The following ARFGEF1 variants were observed in gnomAD, a reference collection of about 807,000 sequenced individuals.
ARFGEF1 encodes ARF guanine nucleotide exchange factor 1.
Under a neutral mutation model 231.0 loss-of-function variants are expected in ARFGEF1, and 42 were observed. The ratio of observed to expected loss-of-function variants is 0.18; its 90% CI spans 0.14 to 0.24. ARFGEF1 has a LOEUF of 0.24. Among genes scored for constraint, ARFGEF1 ranks in the 10% least tolerant of loss-of-function variants. ARFGEF1 has a pLI of 1.00. For missense variants in ARFGEF1, 1,345 were observed against 2,192.0 expected (o/e 0.61, Z 7.72); for synonymous variants, 710 against 732.3 (o/e 0.97, Z 0.49).
In ARFGEF1 at chr8:67,219,034, T is replaced by C. The variant is rs986176349; in HGVS notation, c.4338+397A>G. ...CAGGCTGCAGTGCAGTGGCGCGATCTCAGCTCACAGCAACCTCCACCTCCC... is the reference window on the plus strand; with the variant it reads ...CAGGCTGCAGTGCAGTGGCGCGATCCCAGCTCACAGCAACCTCCACCTCCC... On this transcript the variant is annotated intron_variant, in intron 30 of 38. Coordinates refer to ENST00000262215, the MANE Select transcript of ARFGEF1 (RefSeq NM_006421.5). Among the ~76,000 whole-genome samples, 7 of 152,310 alleles carry C rather than the reference T, an allele frequency of 4.6e-5. No individual in the cohort carries two copies. The East Asian group carries it at 1.3e-3, about 29-fold the overall frequency.
At chr8:67,216,438 A>T in intron 33 of ARFGEF1, 152 bp downstream of exon 33, 1 of 701,936 alleles carries the variant, frequency 1.4e-6, no homozygotes, top group Non-Finnish European at 2.2e-6. Context: ...CGTAATTGTA[A>T]AAAAAAAATG....
chr8:67,211,345 CAAAAA>C (rs375793043), intron 34 of ARFGEF1, 133 bp downstream of exon 34: 400 of 246,728 alleles, frequency 1.6e-3, no homozygotes, highest in Middle Eastern at 4.6e-3. Context: ...AACTCCGTCT[CAAAAA>C]AAAAAAAAAA....
rs758907802 is a variant in ARFGEF1, at chr8:67,227,462, A to G, written c.3728T>C (p.Ile1243Thr). ...QKDFLRPFEH[I>T]MKRNRSPTIR... ...AATATAGTACCTGTTCCGTTTCATT[A>G]TATGTTCAAAAGGTCTTAAGAAATC... Residue 1243 changes from isoleucine (I) to threonine (T), a missense_variant, in exon 26 of 39, where the codon ATA becomes ACA. Transcript: ENST00000262215. The G allele has an allele frequency of 4.3e-6, 7 of 1,612,820 alleles. No individual in the cohort carries two copies. Among genetic ancestry groups the G allele is most frequent in the African/African-American group, 1.3e-5 (1 of 74,958 alleles).
At chr8:67,321,532 C>T (rs1240554899) in intron 1 of ARFGEF1, among the ~76,000 whole-genome samples, 1 of 152,178 alleles carries the variant, frequency 6.6e-6, no homozygotes, top group Admixed American at 6.5e-5. Flanking sequence ...GCAATCTCGG[C>T]TCACTGAAAG....
chr8:67,286,819 A>G (rs1805780740), intron 7 of ARFGEF1, among the ~76,000 whole-genome samples: 1 of 152,158 alleles, frequency 6.6e-6, no homozygotes, highest in African/African-American at 2.4e-5. Flanking sequence ...TCCCATCTAT[A>G]GCACCTGCCT....
chr8:67,305,084 C>T (rs560584561), intron 1 of ARFGEF1, among the ~76,000 whole-genome samples: 1 of 152,178 alleles, frequency 6.6e-6, no homozygotes, highest in East Asian at 1.9e-4. Context: ...TATACGCTAA[C>T]TAGGAATATC....
At chr8:67,289,217 T>C (rs1177685905) in intron 6 of ARFGEF1, among the ~76,000 whole-genome samples, 1 of 152,114 alleles carries the variant, frequency 6.6e-6, no homozygotes, top group African/African-American at 2.4e-5. Flanking sequence ...TATTAGCTGA[T>C]GGTGCTGCAG....
intron 4 of ARFGEF1, among the ~76,000 whole-genome samples, chr8:67,297,713 A>G (rs887127118): frequency 2.0e-5 from 3 of 152,196 alleles, no homozygotes; most frequent in Non-Finnish European, 4.4e-5. Context: ...TATGTTGTAC[A>G]ATGCTATGCA....
chr8:67,275,447 T>C (rs898910470), intron 9 of ARFGEF1, among the ~76,000 whole-genome samples: 4 of 152,090 alleles, frequency 2.6e-5, no homozygotes, highest in African/African-American at 9.7e-5. Flanking sequence ...AAAGACATCA[T>C]CCTAGGGCAT....
Position 67,198,898 on chromosome 8 carries a change from A to C in ARFGEF1, c.*36T>G, listed in dbSNP as rs747343218. 17 of 1,608,364 alleles carry C rather than the reference A, an allele frequency of 1.1e-5. No homozygotes were observed. Among genetic ancestry groups the C allele is most frequent in the Non-Finnish European group, 1.4e-5 (17 of 1,178,368 alleles). ...GCTCCAGCGTCCTTTTAAAGAGCAGAGGGATGTAAATGCCAACAAAAATAT... is the reference window on the plus strand; with the variant it reads ...GCTCCAGCGTCCTTTTAAAGAGCAGCGGGATGTAAATGCCAACAAAAATAT... On this transcript the variant is annotated 3_prime_UTR_variant, in exon 39 of 39. Coordinates refer to ENST00000262215, the MANE Select transcript of ARFGEF1 (RefSeq NM_006421.5).
intron 1 of ARFGEF1, among the ~76,000 whole-genome samples, chr8:67,313,041 G>C (rs1463256186): frequency 2.0e-5 from 3 of 152,132 alleles, no homozygotes; most frequent in Non-Finnish European, 4.4e-5. Flanking sequence ...AAGTAAAGTA[G>C]CAGACTTATG....
intron 5 of ARFGEF1, among the ~76,000 whole-genome samples, chr8:67,188,374 CTCAGCTCACACCCAACCAA>C (rs1040907303): frequency 1.3e-5 from 2 of 152,180 alleles, no homozygotes; most frequent in African/African-American, 4.8e-5. Context: ...GGGCTTGTAA[CTCAGCTCACACCCAACCAA>C]TCAGGTAGTA....
At chr8:67,333,040 C>CTTTT (rs111581499) in intron 1 of ARFGEF1, among the ~76,000 whole-genome samples, 1 of 141,868 alleles carries the variant, frequency 7.0e-6, no homozygotes, top group Non-Finnish European at 1.5e-5. Context: ...AAATTAAATA[C>CTTTT]TTTTTTTTTT....
chr8:67,214,132 G>A (rs192016231), intron 33 of ARFGEF1, among the ~76,000 whole-genome samples: 1 of 152,326 alleles, frequency 6.6e-6, no homozygotes, highest in East Asian at 1.9e-4. Flanking sequence ...GATCCACAAG[G>A]AAGTGCAATG....
intron 1 of ARFGEF1, among the ~76,000 whole-genome samples, chr8:67,339,123 T>C (rs1808481830): frequency 6.6e-6 from 1 of 152,188 alleles, no homozygotes; most frequent in South Asian, 2.1e-4. Flanking sequence ...AATAGACTCT[T>C]ATATAAGAAA....
rs1040035704 is a variant in ARFGEF1, at chr8:67,276,071, C to G, written c.1242G>C (p.Lys414Asn). The change falls in exon 9 of 39, where the codon AAG (lysine) becomes AAC (asparagine). Residue 414 changes from lysine (K) to asparagine (N), a missense_variant. This residue lies in a region of ARFGEF1 where 141 missense variants were observed against 259.9 expected (regional missense o/e 0.54). Coordinates refer to ENST00000262215, the MANE Select transcript of ARFGEF1 (RefSeq NM_006421.5). ...GNSSGPSPGA[K>N]FSHILQKDAF... ...CATCCTTTTGTAAAATGTGGGAAAA[C>G]TTAGCACCAGGTGAAGGTCCTGAAG... 7 of 1,613,380 alleles carry G rather than the reference C, an allele frequency of 4.3e-6. No homozygotes were observed. Among genetic ancestry groups the G allele is most frequent in the Non-Finnish European group, 5.9e-6 (7 of 1,179,508 alleles).
Position 67,217,919 on chromosome 8 carries a change from G to A in ARFGEF1, c.4476C>T (p.Asp1492=), listed in dbSNP as rs776998207. 4 of 1,613,380 alleles carry A rather than the reference G, an allele frequency of 2.5e-6. No individual in the cohort carries two copies. Among genetic ancestry groups the A allele is most frequent in the South Asian group, 2.2e-5 (2 of 91,050 alleles). The change falls in exon 32 of 39, where the codon GAC becomes GAT. Residue 1492 remains aspartate, a splice_region_variant and synonymous_variant. Transcript: ENST00000262215. ...FAQLYWCVQQ[D]NEQLARSGTN... ...TACCAGATCGCGCTAACTGCTCATT[G>A]TCTAGGAAAGAAAAGAGCAATTCAT...
At chr8:67,317,322 T>C (rs1392574036) in intron 1 of ARFGEF1, among the ~76,000 whole-genome samples, 1 of 152,188 alleles carries the variant, frequency 6.6e-6, no homozygotes. Context: ...TCAGAAGTGC[T>C]TGTGGTCTGG....
intron 32 of ARFGEF1, 123 bp from the exon 33 acceptor site, chr8:67,216,785 ACTG>A: frequency 1.7e-6 from 1 of 601,120 alleles, no homozygotes; most frequent in Non-Finnish European, 2.7e-6. Context: ...ATCTTTGACC[ACTG>A]CTAATTTTAG....
Sources: gnomAD v4.1 joint callset for allele counts (sites outside exome capture counted in the v4.1 genomes callset) on GRCh38, gnomAD v4.1.1 for gene constraint, gnomAD v4.1.1 regional missense constraint, MANE v1.5 for transcripts, NCBI Gene and HGNC (gene_info 2026-07-23, HGNC 2026-07-21) for gene names.